The following KIAA1671 variants were observed in gnomAD, a reference collection of about 807,000 sequenced individuals.
KIAA1671 encodes the protein uncharacterized protein KIAA1671.
A neutral mutation model predicts 131.2 loss-of-function variants in KIAA1671; 52 were observed. The observed-to-expected ratio is 0.40, with a 90% CI of 0.32 to 0.50. The LOEUF (loss-of-function observed/expected upper bound fraction) is 0.50. Ranked by LOEUF, KIAA1671 falls within the 20% of genes least tolerant of loss-of-function variation. The pLI is 0.73. For missense variants in KIAA1671, 2,360 were observed against 2,364.2 expected, an observed-to-expected ratio of 1.00 and a Z score of 0.04; for synonymous variants, 1,003 against 961.6, an observed-to-expected ratio of 1.04 and a Z score of -0.80.
At chr22:25,125,122 C>T (rs1932119132) in intron 6 of KIAA1671, among the ~76,000 whole-genome samples, 1 of 152,168 alleles carries the variant, frequency 6.6e-6, no homozygotes, top group South Asian at 2.1e-4. Context: ...AGGCGCCTCT[C>T]CAGGTTGTTC....
chr22:25,051,908 C>T (rs984410419), intron 6 of KIAA1671: 1 of 152,298 alleles, frequency 6.6e-6, no homozygotes, highest in Non-Finnish European at 1.5e-5. Flanking sequence ...TTGAGCCTCT[C>T]AGGCCTTGCC....
chr22:25,120,908 G>T (rs1377171321), intron 6 of KIAA1671, among the ~76,000 whole-genome samples: 1 of 152,252 alleles, frequency 6.6e-6, no homozygotes, highest in Non-Finnish European at 1.5e-5. Flanking sequence ...CCCTGCAGGG[G>T]CGGGGCCTGC....
intron 3 of KIAA1671, 33 bp from the exon 4 acceptor site, chr22:25,032,576 G>A: frequency 7.0e-7 from 1 of 1,421,122 alleles, no homozygotes; most frequent in Non-Finnish European, 9.7e-7. Context: ...ACAGCTTCCA[G>A]CTCCATGAAG....
chr22:25,133,318 T>A (rs1316443962), intron 6 of KIAA1671, among the ~76,000 whole-genome samples: 1 of 152,200 alleles, frequency 6.6e-6, no homozygotes, highest in Non-Finnish European at 1.5e-5. Flanking sequence ...TCAGAAATGC[T>A]AAGTCTGGGG....
chr22:24,983,568 A>G (rs555466105), intron 1 of KIAA1671, among the ~76,000 whole-genome samples: 1 of 148,400 alleles, frequency 6.7e-6, no homozygotes, highest in South Asian at 2.2e-4. Flanking sequence ...ACACTGAAGA[A>G]GGGCCATTAA....
intron 11 of KIAA1671, among the ~76,000 whole-genome samples, chr22:25,189,543 G>T (rs1387024265): frequency 6.6e-6 from 1 of 152,124 alleles, no homozygotes; most frequent in African/African-American, 2.4e-5. Context: ...AGGGTAGTCT[G>T]TGCTACTCAG....
intron 6 of KIAA1671, among the ~76,000 whole-genome samples, chr22:25,154,201 C>T (rs1003201229): frequency 6.6e-6 from 1 of 152,180 alleles, no homozygotes; most frequent in African/African-American, 2.4e-5. Flanking sequence ...CTGAACTGGC[C>T]TCTGGGTTCT....
intron 9 of KIAA1671, among the ~76,000 whole-genome samples, chr22:25,179,134 G>A (rs1934161787): frequency 1.3e-5 from 2 of 152,198 alleles, no homozygotes; most frequent in African/African-American, 4.8e-5. Context: ...GGAAGCCGTG[G>A]TCAGCGACTC....
intron 1 of KIAA1671, among the ~76,000 whole-genome samples, chr22:24,977,277 G>T (rs1462007661): frequency 6.6e-6 from 1 of 152,326 alleles, no homozygotes; most frequent in East Asian, 1.9e-4. Context: ...CGCAATGGAG[G>T]CAGGAGATGG....
intron 6 of KIAA1671, among the ~76,000 whole-genome samples, chr22:25,099,330 C>G (rs979764476): frequency 3.3e-5 from 5 of 152,038 alleles, no homozygotes; most frequent in African/African-American, 4.8e-5. Context: ...TAGCAAGGAG[C>G]TGGAGGGCCA....
intron 1 of KIAA1671, among the ~76,000 whole-genome samples, chr22:24,961,750 A>T (rs1922030130): frequency 6.6e-6 from 1 of 152,228 alleles, no homozygotes; most frequent in Non-Finnish European, 1.5e-5. Flanking sequence ...CCTCTCATGG[A>T]GGCTGAAGAA....
Position 25,042,843 on chromosome 22 carries a change from C to A in KIAA1671, c.4395+1318C>A, listed in dbSNP as rs1031599861. On this transcript the variant is annotated intron_variant, in intron 5 of 12. Coordinates refer to ENST00000358431, the MANE Select transcript of KIAA1671 (RefSeq NM_001145206.2). ...GAGAGAAGAAGTGAGGCAGGTGCTA[C>A]AGGGGCCATGGTTGGCCACAGAGGC... Among the ~76,000 whole-genome samples, 22 of 152,224 alleles carry A rather than the reference C, an allele frequency of 1.4e-4. No homozygotes were observed. The East Asian group carries it at 4.3e-3, about 29-fold the overall frequency.
intron 1 of KIAA1671, among the ~76,000 whole-genome samples, chr22:24,975,571 G>GCGC (rs1922869440): frequency 6.6e-6 from 1 of 152,114 alleles, no homozygotes; most frequent in Admixed American, 6.6e-5. Flanking sequence ...GTGAGCCACT[G>GCGC]CGCCTGGCTG....
chr22:24,994,671 C>T (rs1924018805), intron 1 of KIAA1671, among the ~76,000 whole-genome samples: 1 of 152,090 alleles, frequency 6.6e-6, no homozygotes. Flanking sequence ...AGGTCAGAGG[C>T]TCTGACAAAG....
In KIAA1671 at chr22:25,000,213, A is replaced by AATGTAGCTTTC. The variant is rs1924379166; in HGVS notation, c.-207-25420_-207-25419insATGTAGCTTTC. 7.3e-4 allele frequency among the ~76,000 whole-genome samples: 5 copies of AATGTAGCTTTC among 6,808 alleles called. No homozygotes were observed. In the African/African-American group the frequency reaches 9.4e-3, roughly 13 times the overall value. 4.5% of individuals were successfully genotyped at this position (6,808 alleles called of 152,430 possible). On this transcript the variant is annotated intron_variant, in intron 1 of 12. Coordinates refer to ENST00000358431, the MANE Select transcript of KIAA1671 (RefSeq NM_001145206.2). ...TTTTTTTTTTTTTTTTTTTTTTTTG[A>AATGTAGCTTTC]GACGGAGTCTCGCTCTGTCGCCCAG...
At chr22:25,106,991 A>G (rs1019694535) in intron 6 of KIAA1671, among the ~76,000 whole-genome samples, 2 of 152,196 alleles carry the variant, frequency 1.3e-5, no homozygotes, top group African/African-American at 4.8e-5. Flanking sequence ...ATCACTAACT[A>G]TAGGGTCAAA....
In KIAA1671 at chr22:25,196,316, T is replaced by G. The variant is rs1438235617; in HGVS notation, c.*3915T>G. 1 of 152,172 alleles carries G rather than the reference T, an allele frequency of 6.6e-6. No individual in the cohort carries two copies. Among genetic ancestry groups the G allele is most frequent in the Non-Finnish European group, 1.5e-5 (1 of 68,068 alleles). 9.4% of individuals were successfully genotyped at this position (152,172 alleles called of 1,614,324 possible). ...GCCTTCCCAGAATCTCCTTCAGTGG[T>G]TGCTCTCACACCTGTGCCATAACAT... On this transcript the variant is annotated 3_prime_UTR_variant, in exon 13 of 13. Transcript: ENST00000358431.
intron 6 of KIAA1671, among the ~76,000 whole-genome samples, chr22:25,169,664 C>G (rs1157691638): frequency 6.6e-6 from 1 of 152,188 alleles, no homozygotes; most frequent in Non-Finnish European, 1.5e-5. Context: ...GGGAAGACAG[C>G]AGTTCAGTCA....
At chr22:25,033,908 C>T (rs373432362) in intron 4 of KIAA1671, among the ~76,000 whole-genome samples, 1 of 151,908 alleles carries the variant, frequency 6.6e-6, no homozygotes, top group African/African-American at 2.4e-5. Flanking sequence ...CTTTGAGATA[C>T]AATTGACATA....
Sources: gnomAD v4.1 joint callset for allele counts (sites outside exome capture counted in the v4.1 genomes callset) on GRCh38, gnomAD v4.1.1 for gene constraint, MANE v1.5 for transcripts, NCBI Gene and HGNC (gene_info 2026-07-23, HGNC 2026-07-21) for gene names.